Variants in BAP1 observed in about 807,000 individuals in gnomAD.
BAP1 encodes BRCA1 associated deubiquitinase 1, also known as ubiquitin carboxyl-terminal hydrolase BAP1.
A neutral mutation model predicts 77.2 loss-of-function variants in BAP1; 16 were observed. That is an observed-to-expected ratio of 0.21 (90% CI 0.14 to 0.31). The LOEUF (loss-of-function observed/expected upper bound fraction) is 0.31. Among genes scored for constraint, BAP1 ranks in the 10% least tolerant of loss-of-function variants. The pLI, the probability that BAP1 is intolerant of heterozygous loss-of-function variation, is 1.00. For missense variants in BAP1, 699 were observed against 967.3 expected, an observed-to-expected ratio of 0.72 and a Z score of 3.68; for synonymous variants, 362 against 385.2, an observed-to-expected ratio of 0.94 and a Z score of 0.71.
chr3:52,404,396 A>G (rs1578221935), intron 12 of BAP1, 57 bp downstream of exon 12: 1 of 1,613,130 alleles, frequency 6.2e-7, no homozygotes, highest in Middle Eastern at 1.7e-4. Flanking sequence ...AGACTGAGAT[A>G]TTCAGGATGG....
chr3:52,406,932 C>T lies in BAP1; in HGVS notation c.581-25G>A, dbSNP rs1705181021. 1 of 1,561,646 alleles carries T rather than the reference C, an allele frequency of 6.4e-7. No homozygotes were observed. The highest frequency in any genetic ancestry group is 8.7e-7 in the Non-Finnish European group (1 of 1,151,822). On this transcript the variant is annotated intron_variant, in intron 7 of 16. Coordinates refer to ENST00000460680, the MANE Select transcript of BAP1 (RefSeq NM_004656.4). This position sits in a 1 kb window ranked among gnomAD's most constrained non-coding sequence, Gnocchi z 4.6. Reference sequence around the variant, plus strand: ...CCTAGTGGAGACCAAGACAAGGAATCAGCGAGAAGGAAACCCTGAGTTTGG... The same window carrying T: ...CCTAGTGGAGACCAAGACAAGGAATTAGCGAGAAGGAAACCCTGAGTTTGG...
In BAP1 at chr3:52,406,210, G is replaced by A. The variant is rs1477230688; in HGVS notation, c.783+43C>T. The A allele has an allele frequency of 6.2e-7, 1 of 1,613,738 alleles. No homozygotes were observed. Among genetic ancestry groups the A allele is most frequent in the Non-Finnish European group, 8.5e-7 (1 of 1,179,956 alleles). Reference sequence around the variant, plus strand: ...GTGGGGGAAGGGAGGAGGAATGCAGGGAGGGTTGGGCTGGGCAGAGGCCAG... The same window carrying A: ...GTGGGGGAAGGGAGGAGGAATGCAGAGAGGGTTGGGCTGGGCAGAGGCCAG... On this transcript the variant is annotated intron_variant, in intron 9 of 16. Coordinates refer to ENST00000460680, the MANE Select transcript of BAP1 (RefSeq NM_004656.4). This position sits in a 1 kb window ranked among gnomAD's most constrained non-coding sequence, Gnocchi z 4.6.
At position 52,409,968 on chromosome 3, in the gene BAP1, C is replaced by T; in HGVS notation, c.-90G>A. ...GGAGCCCCCACCGCCCCCGGGGCCCCTCAGTCCCACACACAGACAACGGGC... is the reference window on the plus strand; with the variant it reads ...GGAGCCCCCACCGCCCCCGGGGCCCTTCAGTCCCACACACAGACAACGGGC... On this transcript the variant is annotated 5_prime_UTR_variant, in exon 1 of 17. Transcript: ENST00000460680. 4 of 1,531,696 alleles carry T rather than the reference C, an allele frequency of 2.6e-6. No homozygotes were observed. The highest frequency in any genetic ancestry group is 2.6e-6 in the Non-Finnish European group (3 of 1,141,198). 94.9% of individuals were successfully genotyped at this position (1,531,696 alleles called of 1,614,324 possible). A position where few individuals can be genotyped will look rare whatever the true frequency, so the allele number is the denominator to read the frequency against.
chr3:52,408,003 G>A lies in BAP1; in HGVS notation c.330C>T (p.Pro110=). The change falls in exon 5 of 17, where the codon CCC becomes CCT. Residue 110 remains proline, a synonymous_variant. Transcript: ENST00000460680. Reference sequence around the variant, plus strand: ...TGAAGTCCTTCATGCGACTCAGGGTGGGTCCCAGGTCCACGCTGCTGCAGT... The same window carrying A: ...TGAAGTCCTTCATGCGACTCAGGGTAGGTCCCAGGTCCACGCTGCTGCAGT... ...LLNCSSVDLG[P]TLSRMKDFTK... is the part of the protein sequence containing the mutation. The A allele has an allele frequency of 6.2e-7, 1 of 1,613,972 alleles. No individual in the cohort carries two copies. The highest frequency in any genetic ancestry group is 8.5e-7 in the Non-Finnish European group (1 of 1,179,990).
chr3:52,405,521 A>AACCC, intron 10 of BAP1: 3 of 481,110 alleles, frequency 6.2e-6, no homozygotes, highest in Non-Finnish European at 1.0e-5. Context: ...AAAAAAAAAA[A>AACCC]CCGCCTCTAG....
Position 52,402,123 on chromosome 3 carries a change from C to G in BAP1, c.*165G>C. On this transcript the variant is annotated 3_prime_UTR_variant, in exon 17 of 17. Coordinates refer to ENST00000460680, the MANE Select transcript of BAP1 (RefSeq NM_004656.4). The surrounding 1 kb of genome is among the most constrained non-coding windows in gnomAD (Gnocchi z 5.3). ...GGGGCTGATCTGCCGTGTCAGGCCT[C>G]AGGGCACGATGGAAGGAATGTGGCC... The G allele has an allele frequency of 3.2e-6, 4 of 1,248,796 alleles. No individual in the cohort carries two copies. Among genetic ancestry groups the G allele is most frequent in the Non-Finnish European group, 4.4e-6 (4 of 909,250 alleles). 77.4% of individuals were successfully genotyped at this position (1,248,796 alleles called of 1,614,324 possible). A position where few individuals can be genotyped will look rare whatever the true frequency, so the allele number is the denominator to read the frequency against.
At chr3:52,408,729 C>T in intron 3 of BAP1, 123 bp from the exon 4 acceptor site, 3 of 1,270,658 alleles carry the variant, frequency 2.4e-6, no homozygotes, top group South Asian at 2.9e-5. Flanking sequence ...GTGATCCCCC[C>T]TCTCCCCTGG....
chr3:52,404,269 C>T (rs933563511), intron 12 of BAP1, among the ~76,000 whole-genome samples, 184 bp downstream of exon 12: 4 of 152,266 alleles, frequency 2.6e-5, no homozygotes, highest in Admixed American at 1.3e-4. Context: ...AGCCTTACCC[C>T]CCAGCCCACC....
At chr3:52,409,411 G>A (rs982804259) in intron 3 of BAP1, 143 bp downstream of exon 3, 13 of 1,105,090 alleles carry the variant, frequency 1.2e-5, no homozygotes, top group African/African-American at 9.2e-5. Flanking sequence ...TCAGGAGCGG[G>A]CACTCAGAGA....
Position 52,401,807 on chromosome 3 carries a change from G to A in BAP1, c.*481C>T, listed in dbSNP as rs937702739. The A allele has an allele frequency of 1.5e-5, 4 of 262,922 alleles. No homozygotes were observed. Among genetic ancestry groups the A allele is most frequent in the Non-Finnish European group, 2.2e-5 (3 of 134,896 alleles). The allele number at this position is 262,922 out of a possible 1,614,324, so 16.3% of individuals were successfully genotyped here. A position where few individuals can be genotyped will look rare whatever the true frequency, so the allele number is the denominator to read the frequency against. ...CTAGAGCAGCAGGGCCCAGAGCCCA[G>A]GGCCCACCCAGGCCCCCAGCTAGGA... On this transcript the variant is annotated 3_prime_UTR_variant, in exon 17 of 17. Transcript: ENST00000460680.
At chr3:52,404,330 G>C (rs886801206) in intron 12 of BAP1, 123 bp downstream of exon 12, 1 of 1,543,568 alleles carries the variant, frequency 6.5e-7, no homozygotes, top group Non-Finnish European at 8.9e-7. Flanking sequence ...GCCTCCCCCA[G>C]GGCCCCAAAC....
intron 12 of BAP1, 96 bp downstream of exon 12, chr3:52,404,357 A>G (rs1350026367): frequency 1.2e-6 from 2 of 1,600,234 alleles, no homozygotes; most frequent in South Asian, 1.1e-5. Context: ...GGTGCTCAAC[A>G]TTATCTGCTG....
Position 52,407,277 on chromosome 3 carries a change from A to G in BAP1, c.477T>C (p.Leu159=), listed in dbSNP as rs1417121937. 2 of 1,614,034 alleles carry G rather than the reference A, an allele frequency of 1.2e-6. No individual in the cohort carries two copies. Among genetic ancestry groups the G allele is most frequent in the Non-Finnish European group, 1.7e-6 (2 of 1,180,020 alleles). ...PRHLPEKQNG[L]SAVRTMEAFH... ...ACGCCTCCATGGTCCGCACTGCACT[A>G]AGGCCATTCTGCTTCTCAGGGAGGT... The change falls in exon 7 of 17, where the codon CTT becomes CTC. Residue 159 remains leucine, a synonymous_variant. Coordinates refer to ENST00000460680, the MANE Select transcript of BAP1 (RefSeq NM_004656.4).
intron 11 of BAP1, 97 bp downstream of exon 11, chr3:52,405,013 C>T: frequency 3.9e-6 from 6 of 1,543,400 alleles, no homozygotes; most frequent in Non-Finnish European, 8.9e-7. Flanking sequence ...CCCAGCCATG[C>T]CAAGGATGAA....
At position 52,409,879 on chromosome 3, in the gene BAP1, C is replaced by T. The variant is rs1212987321; in HGVS notation, c.-1G>A. The T allele has an allele frequency of 6.2e-7, 1 of 1,608,364 alleles. No individual in the cohort carries two copies. Among genetic ancestry groups the T allele is most frequent in the South Asian group, 1.1e-5 (1 of 91,068 alleles). On this transcript the variant is annotated 5_prime_UTR_variant, in exon 1 of 17. Transcript: ENST00000460680. ...CCAGCTCCAGCCAGCCCTTATTCAT[C>T]TTCCCGCGGGGCGGCCCCTCAGCGC...
chr3:52,402,555 G>C lies in BAP1; in HGVS notation c.2056+47C>G, dbSNP rs376866662. 6.2e-7 allele frequency: 1 copy of C among 1,612,324 alleles called. No homozygotes were observed. Among genetic ancestry groups the C allele is most frequent in the East Asian group, 2.2e-5 (1 of 44,874 alleles). The stretch of plus-strand genomic sequence containing the variant: ...CCAGGGGAGGGGAGCTGAAGGACAC[G>C]GCCCTCAGCAGGGCATTCCAGTTAA... On this transcript the variant is annotated intron_variant, in intron 16 of 16. Transcript: ENST00000460680. The surrounding 1 kb of genome is among the most constrained non-coding windows in gnomAD (Gnocchi z 5.3).
rs779485443 is a variant in BAP1 at position 52,409,704 on chromosome 3, A to G, written c.67+10T>C. On this transcript the variant is annotated intron_variant, in intron 2 of 16. Transcript: ENST00000460680. Reference sequence around the variant, plus strand: ...ACAGCCCCGGTCCGGCAGGGAGAAAAGGCTCTTACCGAAATCTTCCACGAG... The same window carrying G: ...ACAGCCCCGGTCCGGCAGGGAGAAAGGGCTCTTACCGAAATCTTCCACGAG... 1 of 1,614,090 alleles carries G rather than the reference A, an allele frequency of 6.2e-7. No individual in the cohort carries two copies. Among genetic ancestry groups the G allele is most frequent in the Non-Finnish European group, 8.5e-7 (1 of 1,180,008 alleles).
intron 5 of BAP1, 152 bp downstream of exon 5, chr3:52,407,806 C>A: frequency 7.4e-7 from 1 of 1,344,642 alleles, no homozygotes; most frequent in Non-Finnish European, 1.0e-6. Flanking sequence ...TGGCCTTACA[C>A]AATTTATTTA....
In BAP1 at chr3:52,403,493, C is replaced by A. The variant is rs759448397; in HGVS notation, c.1652G>T (p.Arg551Leu). 1 of 1,614,012 alleles carries A rather than the reference C, an allele frequency of 6.2e-7. No homozygotes were observed. The highest frequency in any genetic ancestry group is 8.5e-7 in the Non-Finnish European group (1 of 1,179,988). ...VDCIRYNRAV[R>L]DLGPVISTGL... ...TGTGCTGATGACAGGACCCAGATCA[C>A]GGACAGCACGGTTGTAGCGTATGCA... The change falls in exon 13 of 17, where the codon CGT (arginine) becomes CTT (leucine). Residue 551 changes from arginine (R) to leucine (L), a missense_variant. Physicochemically the swap from Arg to Leu is moderately radical, Grantham distance 102 (BLOSUM62 -2). Coordinates refer to ENST00000460680, the MANE Select transcript of BAP1 (RefSeq NM_004656.4). This position sits in a 1 kb window ranked among gnomAD's most constrained non-coding sequence, Gnocchi z 4.0.
Sources: gnomAD v4.1 joint callset for allele counts (sites outside exome capture counted in the v4.1 genomes callset) on GRCh38, gnomAD v4.1.1 for gene constraint, Gnocchi (gnomAD v3.1) non-coding constraint, MANE v1.5 for transcripts, NCBI Gene and HGNC (gene_info 2026-07-23, HGNC 2026-07-21) for gene names.